The following PCDH7 variants were observed in gnomAD, a reference collection of about 807,000 sequenced individuals.
The protein encoded by PCDH7 is protocadherin-7.
Under a neutral mutation model 58.9 loss-of-function variants are expected in PCDH7, and 17 were observed. That is an observed-to-expected ratio of 0.29 (90% CI 0.20 to 0.43). The LOEUF (loss-of-function observed/expected upper bound fraction) is 0.43, where lower values mean the gene tolerates loss of function less well. Ranked by LOEUF, PCDH7 falls within the 20% of genes least tolerant of loss-of-function variation. The pLI is 1.00. For missense variants in PCDH7, 1,274 were observed against 1,441.0 expected, an observed-to-expected ratio of 0.88 and a Z score of 1.88; for synonymous variants, 664 against 616.4, an observed-to-expected ratio of 1.08 and a Z score of -1.14.
intron 3 of PCDH7, among the ~76,000 whole-genome samples, chr4:31,129,567 C>A (rs974221855): frequency 1.3e-5 from 2 of 152,078 alleles, no homozygotes; most frequent in African/African-American, 4.8e-5. Context: ...AAACTAGGAA[C>A]AGACTTGTTA....
chr4:30,851,164 G>C (rs936525361), intron 1 of PCDH7, among the ~76,000 whole-genome samples: 5 of 151,940 alleles, frequency 3.3e-5, no homozygotes, highest in African/African-American at 9.7e-5. Flanking sequence ...GTCTGTGTGT[G>C]TGTGTGTGTA....
chr4:31,019,492 T>C (rs1578575932), intron 3 of PCDH7, among the ~76,000 whole-genome samples: 1 of 151,800 alleles, frequency 6.6e-6, no homozygotes, highest in Admixed American at 6.6e-5. Flanking sequence ...TCATCTGAGG[T>C]CAAGAGTTAG....
In PCDH7 at chr4:31,069,962, A is replaced by G. The variant is rs775054573; in HGVS notation, c.*8-72511A>G. On this transcript the variant is annotated intron_variant, in intron 3 of 3. Coordinates refer to the PCDH7 transcript ENST00000509759. Reference sequence around the variant, plus strand: ...TTTAAAAGCTGACATATTGTGCAACAATCTTTCACAGCCCAAATACTTTGA... The same window carrying G: ...TTTAAAAGCTGACATATTGTGCAACGATCTTTCACAGCCCAAATACTTTGA... 6.6e-5 allele frequency among the ~76,000 whole-genome samples: 10 copies of G among 152,172 alleles called. No homozygotes were observed. In the South Asian group the frequency reaches 2.1e-3, roughly 31 times the overall value.
At position 30,905,479 on chromosome 4, in the gene PCDH7, AC is replaced by A. The variant is rs1560487769; in HGVS notation, c.71-14672del. Reference sequence around the variant, plus strand: ...ATGAGAAAATGAAAAACAAAAAAAAACCACAAAAATAAAAGAAACCTTTGCT... The same window carrying A: ...ATGAGAAAATGAAAAACAAAAAAAAACACAAAAATAAAAGAAACCTTTGCT... On this transcript the variant is annotated intron_variant, in intron 1 of 3. Coordinates refer to the PCDH7 transcript ENST00000509759. Among the ~76,000 whole-genome samples, 78 of 151,760 alleles carry A rather than the reference AC, an allele frequency of 5.1e-4. 1 individual carries two copies. In the East Asian group the frequency reaches 0.014, roughly 27 times the overall value.
At chr4:31,121,387 A>G (rs1432124313) in intron 3 of PCDH7, among the ~76,000 whole-genome samples, 1 of 152,234 alleles carries the variant, frequency 6.6e-6, no homozygotes, top group Non-Finnish European at 1.5e-5. Context: ...CTGTAGAGAT[A>G]CAAATTAGAA....
chr4:30,962,629 A>ATCTTGCTTATC (rs1748555189), intron 3 of PCDH7, among the ~76,000 whole-genome samples: 1 of 151,958 alleles, frequency 6.6e-6, no homozygotes, highest in East Asian at 1.9e-4. Flanking sequence ...TCTACAAAAA[A>ATCTTGCTTATC]TTAAAAATAG....
rs1415869498 is a variant in PCDH7 at position 30,841,493 on chromosome 4, T to A, written c.71-78660T>A. ...CAACTTCTTTGATATGATGTTTTAGTTTAATCTATCTAAAGCATTACCCTC... is the reference window on the plus strand; with the variant it reads ...CAACTTCTTTGATATGATGTTTTAGATTAATCTATCTAAAGCATTACCCTC... On this transcript the variant is annotated intron_variant, in intron 1 of 3. Coordinates refer to the PCDH7 transcript ENST00000509759. 2.0e-5 allele frequency among the ~76,000 whole-genome samples: 3 copies of A among 152,166 alleles called. No homozygotes were observed. In the East Asian group the frequency reaches 5.8e-4, roughly 29 times the overall value.
chr4:30,927,867 A>C (rs1744089888), intron 2 of PCDH7, among the ~76,000 whole-genome samples: 1 of 152,180 alleles, frequency 6.6e-6, no homozygotes, highest in Admixed American at 6.5e-5. Flanking sequence ...AAAAACCAAA[A>C]AACAAAAAAA....
At chr4:30,745,661 C>T (rs979850693) in intron 1 of PCDH7, among the ~76,000 whole-genome samples, 1 of 151,800 alleles carries the variant, frequency 6.6e-6, no homozygotes, top group African/African-American at 2.4e-5. Flanking sequence ...TGCATGAAGT[C>T]TTTTAAAGCT....
chr4:30,898,489 A>T (rs542564221), intron 1 of PCDH7, among the ~76,000 whole-genome samples: 1 of 152,350 alleles, frequency 6.6e-6, no homozygotes, highest in South Asian at 2.1e-4. Flanking sequence ...CGCAGATCAC[A>T]TTATTTCTAG....
At chr4:30,972,381 T>C (rs1326626820) in intron 3 of PCDH7, among the ~76,000 whole-genome samples, 1 of 152,170 alleles carries the variant, frequency 6.6e-6, no homozygotes, top group Non-Finnish European at 1.5e-5. Context: ...TCTAAAGGAT[T>C]TTCCAATTCT....
At chr4:30,968,375 A>ATATAGTGTGTAT (rs1560541525) in intron 3 of PCDH7, among the ~76,000 whole-genome samples, 1 of 71,752 alleles carries the variant, frequency 1.4e-5, no homozygotes, top group African/African-American at 5.5e-5. Flanking sequence ...ATATACACAC[A>ATATAGTGTGTAT]CTATATATAT....
chr4:30,974,003 T>A (rs1349159057), intron 3 of PCDH7, among the ~76,000 whole-genome samples: 1 of 151,988 alleles, frequency 6.6e-6, no homozygotes, highest in Non-Finnish European at 1.5e-5. Flanking sequence ...GTGGGAAGTG[T>A]AAATTCATGA....
rs199720505 is a variant in PCDH7, at chr4:30,722,943, G to A, written c.1521G>A (p.Ala507=). The stretch of plus-strand genomic sequence containing the variant: ...GGGAGTTCAACGTGGTCATCGTGGC[G>A]GTGGACTCAGGCAGCCCCAGCCTCT... Residue 507 remains alanine (A), a synonymous_variant, in exon 1 of 2, where the codon GCG becomes GCA. Coordinates refer to ENST00000361762, the Ensembl canonical transcript of PCDH7. This position sits in a 1 kb window ranked among gnomAD's most constrained non-coding sequence, Gnocchi z 7.6. The A allele has an allele frequency of 3.7e-6, 6 of 1,613,542 alleles. No homozygotes were observed. The East Asian group carries it at 1.3e-4, about 36-fold the overall frequency.
chr4:30,783,000 A>G (rs968589490), intron 1 of PCDH7: 1 of 152,180 alleles, frequency 6.6e-6, no homozygotes, highest in Non-Finnish European at 1.5e-5. Context: ...CCCCATCAAC[A>G]TCTATACAAC....
intron 1 of PCDH7, among the ~76,000 whole-genome samples, chr4:30,782,200 G>T (rs1213710546): frequency 6.6e-6 from 1 of 152,112 alleles, no homozygotes; most frequent in African/African-American, 2.4e-5. Context: ...TAGGAAACTT[G>T]TATAAGTTTG....
intron 1 of PCDH7, among the ~76,000 whole-genome samples, chr4:30,788,138 T>C (rs914740318): frequency 6.6e-6 from 1 of 151,988 alleles, no homozygotes. Context: ...TAGAAAAAAA[T>C]AGGGAAATAT....
intron 3 of PCDH7, among the ~76,000 whole-genome samples, chr4:31,021,747 G>A (rs889992097): frequency 7.2e-5 from 11 of 152,038 alleles, no homozygotes; most frequent in Non-Finnish European, 8.8e-5. Context: ...CCAGAGACAC[G>A]AGTGTCTCTA....
chr4:31,125,637 A>T (rs2109329632), intron 3 of PCDH7, among the ~76,000 whole-genome samples: 1 of 152,292 alleles, frequency 6.6e-6, no homozygotes, highest in African/African-American at 2.4e-5. Context: ...CAGTACAATA[A>T]TCTCTCGTGA....
Sources: allele counts gnomAD v4.1 joint callset (sites outside exome capture counted in the v4.1 genomes callset), GRCh38; gene constraint gnomAD v4.1.1; non-coding constraint Gnocchi (gnomAD v3.1); transcripts MANE v1.5; gene names NCBI Gene and HGNC (gene_info 2026-07-23, HGNC 2026-07-21).